Variants in PPP2R2B observed in about 807,000 individuals in gnomAD.
The protein encoded by PPP2R2B is serine/threonine-protein phosphatase 2A 55 kDa regulatory subunit B beta isoform.
In PPP2R2B, 5 loss-of-function variants were observed where a neutral mutation model predicts 46.0. The ratio of observed to expected loss-of-function variants is 0.11; its 90% CI spans 0.06 to 0.23. The LOEUF is 0.23. Among genes scored for constraint, PPP2R2B ranks in the 10% least tolerant of loss-of-function variants. The pLI is 1.00. For missense variants in PPP2R2B, 367 were observed against 575.0 expected (o/e 0.64, Z 3.70); for synonymous variants, 215 against 206.7 (o/e 1.04, Z -0.34).
Position 146,588,787 on chromosome 5 carries a change from C to T in PPP2R2B, c.*1160G>A, listed in dbSNP as rs979108746. ...ACAGTTCATTTCTGTAGAAGAGAGC[C>T]TTCTGGTCTGTTTTTCCAGATGGCG... On this transcript the variant is annotated 3_prime_UTR_variant, in exon 10 of 10. Transcript: ENST00000394411. The T allele has an allele frequency of 6.6e-6, 1 of 152,194 alleles. No individual in the cohort carries two copies. Among genetic ancestry groups the T allele is most frequent in the Admixed American group, 6.5e-5 (1 of 15,276 alleles). The allele number at this position is 152,194 out of a possible 1,614,324, so 9.4% of individuals were successfully genotyped here.
intron 1 of PPP2R2B, among the ~76,000 whole-genome samples, chr5:146,915,447 T>TAC (rs34632167): frequency 0.31 from 46,044 of 147,444 alleles, 7,458 homozygotes; most frequent in East Asian, 0.61. Flanking sequence ...TCTACCTATG[T>TAC]ACACACACAC....
At chr5:146,761,030 T>C (rs970247864) in intron 2 of PPP2R2B, among the ~76,000 whole-genome samples, 12 of 151,492 alleles carry the variant, frequency 7.9e-5, no homozygotes, top group Non-Finnish European at 1.5e-4. Context: ...GCTGGAGAGG[T>C]TGTGGAGAAA....
At chr5:146,701,246 C>T (rs1779520747) in intron 2 of PPP2R2B, 104 bp from the exon 3 acceptor site, 1 of 1,023,902 alleles carries the variant, frequency 9.8e-7, no homozygotes, top group Admixed American at 1.7e-5. Flanking sequence ...AGGGCTTTGT[C>T]TCTGCAGTGG....
rs143212984 is a variant in PPP2R2B at position 146,976,108 on chromosome 5, T to TTTATTATTA, written c.79+79548_79+79556dup. ...CCTAAAAGTTTCATTTTTTAAAAAA[T>TTTATTATTA]TTATTATTATTATTATTATTATTAT... On this transcript the variant is annotated intron_variant, in intron 1 of 8. Coordinates refer to the PPP2R2B transcript ENST00000336640. Among the ~76,000 whole-genome samples, 67 of 130,680 alleles carry TTTATTATTA rather than the reference T, an allele frequency of 5.1e-4. 1 individual carries two copies. Among genetic ancestry groups the TTTATTATTA allele is most frequent in the African/African-American group, 1.1e-3 (41 of 36,452 alleles). 85.7% of individuals were successfully genotyped at this position (130,680 alleles called of 152,430 possible).
chr5:146,871,070 T>C (rs1205995561), intron 2 of PPP2R2B, among the ~76,000 whole-genome samples: 1 of 152,230 alleles, frequency 6.6e-6, no homozygotes. Flanking sequence ...ATAGTTATGT[T>C]GGGGCTGACT....
rs377400005 is a variant in PPP2R2B, at chr5:146,847,582, T to C, written c.70+30420A>G. Among the ~76,000 whole-genome samples the C allele has an allele frequency of 2.6e-4, 40 of 152,300 alleles. No individual in the cohort carries two copies. In the East Asian group the frequency reaches 7.3e-3, roughly 28 times the overall value. On this transcript the variant is annotated intron_variant, in intron 2 of 9. Coordinates refer to ENST00000394411, the MANE Select transcript of PPP2R2B (RefSeq NM_181675.4). ...ACCCACCACAGGGCTTGTGCTCTGT[T>C]GGTGGTGGATGTAGAACACAAGCCA...
At chr5:146,693,750 G>T (rs930656463) in intron 4 of PPP2R2B, among the ~76,000 whole-genome samples, 1 of 152,210 alleles carries the variant, frequency 6.6e-6, no homozygotes, top group African/African-American at 2.4e-5. Flanking sequence ...ACAGCATGGA[G>T]AATGTTTAAC....
At chr5:146,882,676 A>G (rs1319671819), upstream of PPP2R2B, among the ~76,000 whole-genome samples, 1 of 152,202 alleles carries the variant, frequency 6.6e-6, no homozygotes, top group Non-Finnish European at 1.5e-5. Flanking sequence ...CAAGTACTTA[A>G]CTATGTCAGA....
intron 1 of PPP2R2B, among the ~76,000 whole-genome samples, chr5:146,886,271 G>A (rs952277646): frequency 2.6e-5 from 4 of 151,868 alleles, no homozygotes; most frequent in Admixed American, 2.0e-4. Context: ...CCCAGGAGGC[G>A]GAGCTTGCAG....
chr5:146,667,328 GCGCGCACACACACACACACA>G (rs763499235), intron 5 of PPP2R2B, among the ~76,000 whole-genome samples: 10 of 126,250 alleles, frequency 7.9e-5, no homozygotes, highest in Middle Eastern at 8.1e-3. Context: ...ATAGGCGTGC[GCGCGCACACACACACACACA>G]CACACACACA....
intron 1 of PPP2R2B, among the ~76,000 whole-genome samples, chr5:146,950,434 C>G (rs1764617235): frequency 6.6e-6 from 1 of 151,940 alleles, no homozygotes; most frequent in African/African-American, 2.4e-5. Context: ...AATTATGTCA[C>G]ATTTTTTAAA....
intron 8 of PPP2R2B, among the ~76,000 whole-genome samples, chr5:146,599,559 G>C (rs1302139298): frequency 6.6e-6 from 1 of 152,104 alleles, no homozygotes; most frequent in East Asian, 1.9e-4. Context: ...TCTATCTCCA[G>C]GCTCATCCTT....
At chr5:147,000,376 A>G (rs2151868490) in intron 1 of PPP2R2B, among the ~76,000 whole-genome samples, 1 of 152,172 alleles carries the variant, frequency 6.6e-6, no homozygotes, top group South Asian at 2.1e-4. Flanking sequence ...GGCAGTAGGG[A>G]TGGTGACAAA....
At chr5:146,616,269 G>A (rs1773161186) in intron 7 of PPP2R2B, among the ~76,000 whole-genome samples, 1 of 152,150 alleles carries the variant, frequency 6.6e-6, no homozygotes, top group Non-Finnish European at 1.5e-5. Flanking sequence ...TAAGACCTTA[G>A]AGCATGAAAC....
upstream of PPP2R2B, among the ~76,000 whole-genome samples, chr5:147,057,766 G>A (rs921888316): frequency 6.6e-6 from 1 of 152,190 alleles, no homozygotes; most frequent in African/African-American, 2.4e-5. Flanking sequence ...GAGTGAGGCT[G>A]CAGTTAGACA....
chr5:146,604,401 A>C (rs554839989), intron 7 of PPP2R2B, among the ~76,000 whole-genome samples: 73 of 152,310 alleles, frequency 4.8e-4, no homozygotes, highest in African/African-American at 1.7e-3. Context: ...TTGGCATGAC[A>C]GTAGAGAATC....
chr5:146,799,128 G>C (rs1410423274), intron 2 of PPP2R2B, among the ~76,000 whole-genome samples: 1 of 152,220 alleles, frequency 6.6e-6, no homozygotes. Context: ...CTTAGATGGA[G>C]TTATGATTTC....
chr5:146,675,872 T>C (rs1777677122), intron 5 of PPP2R2B, among the ~76,000 whole-genome samples: 1 of 151,934 alleles, frequency 6.6e-6, no homozygotes, highest in Non-Finnish European at 1.5e-5. Context: ...GAGGTAATGA[T>C]TTATATGTCG....
intron 1 of PPP2R2B, among the ~76,000 whole-genome samples, chr5:146,969,688 T>C (rs1752583425): frequency 6.6e-6 from 1 of 152,224 alleles, no homozygotes; most frequent in Non-Finnish European, 1.5e-5. Context: ...TTGTGCCTGC[T>C]GGACAAAGTG....
Sources: gnomAD v4.1 joint callset for allele counts (sites outside exome capture counted in the v4.1 genomes callset) on GRCh38, gnomAD v4.1.1 for gene constraint, MANE v1.5 for transcripts, NCBI Gene and HGNC (gene_info 2026-07-23, HGNC 2026-07-21) for gene names.